The following TCF20 variants were observed in gnomAD, a reference collection of about 807,000 sequenced individuals.
TCF20 encodes transcription factor 20.
Under a neutral mutation model 148.6 loss-of-function variants are expected in TCF20, and 3 were observed. The observed-to-expected ratio is 0.02, with a 90% confidence interval of 0.01 to 0.05. TCF20 has a LOEUF of 0.05. Ranked by LOEUF, TCF20 falls within the 10% of genes least tolerant of loss-of-function variation. The pLI is 1.00. For missense variants in TCF20, 2,350 were observed against 2,429.3 expected, an observed-to-expected ratio of 0.97 and a Z score of 0.69; for synonymous variants, 1,049 against 909.5, an observed-to-expected ratio of 1.15 and a Z score of -2.76.
intron 1 of TCF20, among the ~76,000 whole-genome samples, chr22:42,332,408 TC>T (rs1927992758): frequency 1.3e-5 from 2 of 152,160 alleles, no homozygotes; most frequent in Admixed American, 6.5e-5. Flanking sequence ...TCGGTCTCAT[TC>T]CAAGGGTGAT....
rs1927657034 is a variant in TCF20, at chr22:42,317,657, A to G, written c.-37+25822T>C. Among the ~76,000 whole-genome samples, 2 of 151,526 alleles carry G rather than the reference A, an allele frequency of 1.3e-5. No homozygotes were observed. The highest frequency in any genetic ancestry group is 2.9e-5 in the Non-Finnish European group (2 of 67,872). On this transcript the variant is annotated intron_variant, in intron 1 of 1. Transcript: ENST00000515426. This position sits in a 1 kb window ranked among gnomAD's most constrained non-coding sequence, Gnocchi z 4.2. The stretch of plus-strand genomic sequence containing the variant: ...GCATTCCCGCTGGGGGCTGGGGGGG[A>G]AAGGGGTGTAGACTCAGCCGCAGGA...
chr22:42,162,677 G>T (rs971271739), intron 5 of TCF20, among the ~76,000 whole-genome samples: 2 of 152,148 alleles, frequency 1.3e-5, no homozygotes, highest in African/African-American at 4.8e-5. Context: ...TGTCACTGGG[G>T]CTCACCTAAC....
At chr22:42,163,587 C>T (rs1321908497) in intron 5 of TCF20, among the ~76,000 whole-genome samples, 1 of 152,240 alleles carries the variant, frequency 6.6e-6, no homozygotes, top group African/African-American at 2.4e-5. Context: ...AGAGCTAAAG[C>T]TCAGGAAGGC....
At chr22:42,293,863 G>C (rs1662127289) in intron 1 of TCF20, among the ~76,000 whole-genome samples, 1 of 152,236 alleles carries the variant, frequency 6.6e-6, no homozygotes, top group African/African-American at 2.4e-5. Context: ...AGCCGGGTGT[G>C]GTGGCATGAG....
At chr22:42,331,890 C>T (rs1343519208) in intron 1 of TCF20, among the ~76,000 whole-genome samples, 5 of 152,192 alleles carry the variant, frequency 3.3e-5, no homozygotes, top group Non-Finnish European at 5.9e-5. Context: ...TCAGAGATCA[C>T]GGAATGTAGT....
chr22:42,211,191 C>A lies in TCF20; in HGVS notation c.4115G>T (p.Ser1372Ile). ...AACCGTGTCTCCCCCAGCCTCCGCA[C>A]TGTTCGAAGATGCGCTCCTCCTAAT... The part of the protein sequence containing the change: ...PNIRRSASSN[S>I]AEAGGDTVTL... The change falls in exon 2 of 6, where the codon AGT (serine) becomes ATT (isoleucine). Residue 1372 changes from serine (S) to isoleucine (I), a missense_variant. Coordinates refer to ENST00000677622, the MANE Select transcript of TCF20 (RefSeq NM_001378418.1). The A allele has an allele frequency of 6.2e-7, 1 of 1,614,198 alleles. No individual in the cohort carries two copies. Among genetic ancestry groups the A allele is most frequent in the Non-Finnish European group, 8.5e-7 (1 of 1,180,040 alleles).
Position 42,266,341 on chromosome 22 carries a change from A to C in TCF20, c.-37+3998T>G, listed in dbSNP as rs142556950. On this transcript the variant is annotated intron_variant, in intron 1 of 5. Transcript: ENST00000677622. ...AATGCCTTGGACAGAGTCTAGCACA[A>C]AAGCTTGTTTTTTATACAAATGCCA... Among the ~76,000 whole-genome samples the C allele has an allele frequency of 2.0e-5, 3 of 152,352 alleles. No homozygotes were observed. The East Asian group carries it at 5.8e-4, about 29-fold the overall frequency.
intron 2 of TCF20, among the ~76,000 whole-genome samples, chr22:42,182,150 G>A (rs1036140531): frequency 2.7e-4 from 41 of 152,118 alleles, no homozygotes; most frequent in African/African-American, 9.7e-4. Context: ...AGGAAACTTG[G>A]GTGCTGCTGT....
intron 1 of TCF20, among the ~76,000 whole-genome samples, chr22:42,295,442 C>CTTTTTT (rs869294446): frequency 3.0e-5 from 4 of 134,636 alleles, no homozygotes; most frequent in East Asian, 2.1e-4. Flanking sequence ...GTTTTCTTTT[C>CTTTTTT]TTTTTTTTTT....
At chr22:42,238,770 A>G (rs1327954761) in intron 1 of TCF20, among the ~76,000 whole-genome samples, 4 of 152,232 alleles carry the variant, frequency 2.6e-5, no homozygotes, top group African/African-American at 9.6e-5. Flanking sequence ...ACATGTATAT[A>G]TTAAGTTCGC....
intron 1 of TCF20, among the ~76,000 whole-genome samples, chr22:42,266,611 C>G (rs1461117101): frequency 6.6e-6 from 1 of 152,024 alleles, no homozygotes; most frequent in Non-Finnish European, 1.5e-5. Context: ...ATCCCCATCT[C>G]TACTAAAAAT....
chr22:42,323,069 G>A (rs908610876), intron 1 of TCF20, among the ~76,000 whole-genome samples: 2 of 151,610 alleles, frequency 1.3e-5, no homozygotes, highest in African/African-American at 2.4e-5. Context: ...ACCACGACTG[G>A]CTGATTTTGT....
intron 1 of TCF20, among the ~76,000 whole-genome samples, chr22:42,234,290 T>C (rs1388921174): frequency 6.6e-6 from 1 of 152,184 alleles, no homozygotes; most frequent in Non-Finnish European, 1.5e-5. Flanking sequence ...AACCAAAGCA[T>C]TTAGACTTGA....
chr22:42,242,707 T>C (rs1025641646), intron 1 of TCF20, among the ~76,000 whole-genome samples: 15 of 151,910 alleles, frequency 9.9e-5, no homozygotes, highest in African/African-American at 3.6e-4. Flanking sequence ...GCCAACATGG[T>C]GAAACCCCAT....
At chr22:42,234,498 G>C (rs534711041) in intron 1 of TCF20, among the ~76,000 whole-genome samples, 2 of 152,296 alleles carry the variant, frequency 1.3e-5, no homozygotes, top group East Asian at 3.9e-4. Context: ...ATGAACACAG[G>C]AGTTAGGAGG....
chr22:42,284,806 G>A (rs2147020785), upstream of TCF20, among the ~76,000 whole-genome samples: 1 of 152,350 alleles, frequency 6.6e-6, no homozygotes, highest in Middle Eastern at 3.4e-3. Flanking sequence ...TGCAAGCCCA[G>A]CACAGGCGCT....
chr22:42,175,542 T>C (rs1015482818), intron 3 of TCF20, among the ~76,000 whole-genome samples: 2 of 152,100 alleles, frequency 1.3e-5, no homozygotes, highest in Non-Finnish European at 2.9e-5. Context: ...GGTTTCACCA[T>C]GTTGGCCAGG....
chr22:42,272,289 C>G (rs5758690), upstream of TCF20, among the ~76,000 whole-genome samples: 30,096 of 152,196 alleles, frequency 0.2, 3,174 homozygotes, highest in East Asian at 0.33. Flanking sequence ...AAAGGGAAAG[C>G]TGGAAGAGGC....
intron 2 of TCF20, among the ~76,000 whole-genome samples, chr22:42,192,252 C>T (rs1233364935): frequency 1.3e-5 from 2 of 152,158 alleles, no homozygotes; most frequent in African/African-American, 4.8e-5. Context: ...AACGACAAAC[C>T]TGCTGCCACA....
Sources: gnomAD v4.1 joint callset for allele counts (sites outside exome capture counted in the v4.1 genomes callset) on GRCh38, gnomAD v4.1.1 for gene constraint, Gnocchi (gnomAD v3.1) non-coding constraint, MANE v1.5 for transcripts, NCBI Gene and HGNC (gene_info 2026-07-23, HGNC 2026-07-21) for gene names.